The following CDH23 variants were observed in gnomAD, a reference collection of about 807,000 sequenced individuals.
CDH23 encodes cadherin-23.
A neutral mutation model predicts 317.1 loss-of-function variants in CDH23; 189 were observed. The ratio of observed to expected loss-of-function variants is 0.60; its 90% CI spans 0.53 to 0.67. The LOEUF (loss-of-function observed/expected upper bound fraction) is 0.67, where lower values mean the gene tolerates loss of function less well. Among genes scored for constraint, CDH23 ranks in the 30% least tolerant of loss-of-function variants. The pLI is 0.00. For synonymous variants in CDH23, 1,839 were observed against 1,876.8 expected, an observed-to-expected ratio of 0.98 and a Z score of 0.52; for missense variants, 4,401 against 4,592.4, an observed-to-expected ratio of 0.96 and a Z score of 1.20.
At chr10:71,716,578 C>G (rs369583826) in intron 28 of CDH23, 2 of 428,570 alleles carry the variant, frequency 4.7e-6, no homozygotes, top group Non-Finnish European at 8.3e-6. Flanking sequence ...CCTGTTCCAC[C>G]CTGTGCCCAT....
At chr10:71,659,228 A>T (rs1330811685) in intron 14 of CDH23, among the ~76,000 whole-genome samples, 1 of 152,176 alleles carries the variant, frequency 6.6e-6, no homozygotes, top group Non-Finnish European at 1.5e-5. Context: ...CGCCAGAATG[A>T]GTTTGTAAAT....
chr10:71,425,232 G>GAGAGA lies in CDH23; in HGVS notation c.-5-14595_-5-14594insAGAGA, dbSNP rs1849006230. 4.5e-4 allele frequency among the ~76,000 whole-genome samples: 33 copies of GAGAGA among 73,964 alleles called. 1 individual carries two copies. Among genetic ancestry groups the GAGAGA allele is most frequent in the African/African-American group, 1.2e-3 (25 of 21,554 alleles). The allele number at this position is 73,964 out of a possible 152,430, so 48.5% of individuals were successfully genotyped here. On this transcript the variant is annotated intron_variant, in intron 1 of 69. Transcript: ENST00000224721. ...ATCACAGTGGGGCAGAGAGAGAGAG[G>GAGAGA]GAGAGAGAGAGAGAGAGAGAGAGAG...
Position 71,738,462 on chromosome 10 carries a change from A to G in CDH23, c.4210-36A>G, listed in dbSNP as rs779286227. 1.9e-6 allele frequency: 3 copies of G among 1,613,606 alleles called. No individual in the cohort carries two copies. The South Asian group carries it at 3.3e-5, about 18-fold the overall frequency. ...CAGGTGTTTGGGGCCAAGGAGGGGAAGGAGGCTGTAGGTCTCTGACCACGT... is the reference window on the plus strand; with the variant it reads ...CAGGTGTTTGGGGCCAAGGAGGGGAGGGAGGCTGTAGGTCTCTGACCACGT... On this transcript the variant is annotated intron_variant, in intron 34 of 69. Transcript: ENST00000224721.
At chr10:71,403,330 T>TTCCTTCCTTCCTTCCTTCCTTC (rs1564557822) in intron 1 of CDH23, among the ~76,000 whole-genome samples, 1 of 44,058 alleles carries the variant, frequency 2.3e-5, no homozygotes, top group African/African-American at 8.1e-5. Context: ...TTCCTTCCTT[T>TTCCTTCCTTCCTTCCTTCCTTC]CTTTCTTTCT....
intron 2 of CDH23, among the ~76,000 whole-genome samples, chr10:71,444,156 G>T (rs1850043188): frequency 6.6e-6 from 1 of 152,262 alleles, no homozygotes; most frequent in Non-Finnish European, 1.5e-5. Flanking sequence ...CTTCCCGTCG[G>T]CTGCAAAGGC....
Position 71,635,956 on chromosome 10 carries a change from T to C in CDH23, c.1135-7905T>C, listed in dbSNP as rs61851980. ...GCAAGGATTGTTCTGGGGTCCCTTT[T>C]ATAAGGGCACTAATCCCTTTCATGA... On this transcript the variant is annotated intron_variant, in intron 11 of 69. Transcript: ENST00000224721. 1.2e-3 allele frequency among the ~76,000 whole-genome samples: 176 copies of C among 152,174 alleles called. 1 individual carries two copies. Among genetic ancestry groups the C allele is most frequent in the South Asian group, 3.1e-3 (15 of 4,826 alleles).
chr10:71,525,160 GC>G (rs1009481962), intron 6 of CDH23, among the ~76,000 whole-genome samples: 2 of 152,178 alleles, frequency 1.3e-5, no homozygotes, highest in African/African-American at 4.8e-5. Flanking sequence ...GCCCACCTCG[GC>G]CCCCCAAAGT....
rs572222393 is a variant in CDH23, at chr10:71,617,446, C to A, written c.1134+53C>A. ...AGACCCACCACCCATCCAGACCCAC[C>A]ACCCTGCCTGGGCTGTTCAGGTCCT... On this transcript the variant is annotated intron_variant, in intron 11 of 69. Transcript: ENST00000224721. The A allele has an allele frequency of 6.0e-5, 96 of 1,588,298 alleles. No homozygotes were observed. In the African/African-American group the frequency reaches 1.0e-3, roughly 17 times the overall value.
chr10:71,763,908 G>A (rs765614793), intron 38 of CDH23, among the ~76,000 whole-genome samples: 11 of 152,176 alleles, frequency 7.2e-5, no homozygotes, highest in Non-Finnish European at 1.2e-4. Context: ...CGATCCTGGG[G>A]CGCTTGTGTT....
At chr10:71,803,888 C>T (rs940571311) in intron 55 of CDH23, among the ~76,000 whole-genome samples, 6 of 146,742 alleles carry the variant, frequency 4.1e-5, no homozygotes, top group East Asian at 2.0e-4. Flanking sequence ...GGGAGGCTGA[C>T]GCAGGATAAT....
At chr10:71,651,019 T>C (rs1259654345) in intron 14 of CDH23, among the ~76,000 whole-genome samples, 2 of 152,252 alleles carry the variant, frequency 1.3e-5, no homozygotes, top group Admixed American at 1.3e-4. Flanking sequence ...CACATGGTGA[T>C]GTGAGTCTTG....
intron 9 of CDH23, among the ~76,000 whole-genome samples, chr10:71,613,723 T>C (rs561548246): frequency 6.6e-6 from 1 of 152,348 alleles, no homozygotes; most frequent in Admixed American, 6.5e-5. Flanking sequence ...CTCTGCTACA[T>C]GCAGATCCCT....
At chr10:71,528,313 G>C (rs1855158014) in intron 6 of CDH23, among the ~76,000 whole-genome samples, 1 of 152,100 alleles carries the variant, frequency 6.6e-6, no homozygotes, top group Non-Finnish European at 1.5e-5. Flanking sequence ...GAAGGTCATG[G>C]GTCAATCAAA....
chr10:71,548,385 G>A (rs755516888), intron 6 of CDH23, among the ~76,000 whole-genome samples: 4 of 152,152 alleles, frequency 2.6e-5, no homozygotes, highest in Non-Finnish European at 4.4e-5. Context: ...GGTGCACAGA[G>A]CCTGACAGCT....
intron 1 of CDH23, among the ~76,000 whole-genome samples, chr10:71,426,078 C>T (rs1014405033): frequency 6.6e-6 from 1 of 152,126 alleles, no homozygotes; most frequent in Non-Finnish European, 1.5e-5. Context: ...ACCCCTCTGT[C>T]TTGGGGAGGG....
chr10:71,707,994 A>C (rs1393317038), intron 26 of CDH23, among the ~76,000 whole-genome samples: 4 of 152,078 alleles, frequency 2.6e-5, no homozygotes, highest in African/African-American at 4.8e-5. Context: ...CAGCACCCTC[A>C]GGCCCACTCC....
At chr10:71,813,204 G>T in intron 68 of CDH23, 40 bp from the exon 69 acceptor site, 1 of 1,532,568 alleles carries the variant, frequency 6.5e-7, no homozygotes, top group South Asian at 1.2e-5. Flanking sequence ...GGGCAGGCAG[G>T]GGAGGGCCTT....
chr10:71,527,446 G>A (rs941375088), intron 6 of CDH23, among the ~76,000 whole-genome samples: 2 of 152,262 alleles, frequency 1.3e-5, no homozygotes, highest in Admixed American at 6.5e-5. Flanking sequence ...GAGCAGCCCA[G>A]CCTCCTCCTC....
chr10:71,545,676 A>G (rs931372949), intron 6 of CDH23, among the ~76,000 whole-genome samples: 2 of 152,118 alleles, frequency 1.3e-5, no homozygotes, highest in African/African-American at 4.8e-5. Context: ...GGCACCTTTC[A>G]TCTAGTGGGG....
Sources: allele counts gnomAD v4.1 joint callset (sites outside exome capture counted in the v4.1 genomes callset), GRCh38; gene constraint gnomAD v4.1.1; transcripts MANE v1.5; gene names NCBI Gene and HGNC (gene_info 2026-07-23, HGNC 2026-07-21).